ZFR: variants seen among roughly 807,000 people sequenced by gnomAD.
The protein encoded by ZFR is zinc finger RNA binding protein, also known as zinc finger RNA-binding protein.
A neutral mutation model predicts 130.7 loss-of-function variants in ZFR; 19 were observed. The observed-to-expected ratio is 0.15, with a 90% CI of 0.10 to 0.21. ZFR has a LOEUF of 0.21. Among genes scored for constraint, ZFR ranks in the 10% least tolerant of loss-of-function variants. ZFR has a pLI of 1.00. For missense variants in ZFR, 872 were observed against 1,321.5 expected (o/e 0.66, Z 5.27); for synonymous variants, 466 against 456.9 (o/e 1.02, Z -0.25).
intron 11 of ZFR, chr5:32,394,395 C>T (rs1190752232): frequency 5.9e-6 from 1 of 169,180 alleles, no homozygotes; most frequent in Non-Finnish European, 1.5e-5. Flanking sequence ...CAAAAATAAT[C>T]GCGGTTTATA....
Position 32,403,204 on chromosome 5 carries a change from C to A in ZFR, c.1418G>T (p.Gly473Val), listed in dbSNP as rs747920196. The A allele has an allele frequency of 6.2e-7, 1 of 1,614,190 alleles. No individual in the cohort carries two copies. The highest frequency in any genetic ancestry group is 8.5e-7 in the Non-Finnish European group (1 of 1,180,030). ...TSSMKGLTTT[G>V]NSSLNSTSNT... is the part of the protein sequence containing the mutation. The stretch of plus-strand genomic sequence containing the variant: ...AGATGTGCTATTAAGAGACGAGTTT[C>A]CTGTAGTCGTAAGACCCTTCATTGA... Residue 473 changes from glycine (G) to valine (V), a missense_variant, in exon 8 of 20, where the codon GGA becomes GTA. Coordinates refer to ENST00000265069, the MANE Select transcript of ZFR (RefSeq NM_016107.5).
At position 32,354,991 on chromosome 5, in the gene ZFR, T is replaced by G. The variant is rs1752274898; in HGVS notation, c.*769A>C. The G allele has an allele frequency of 6.6e-6, 1 of 152,198 alleles. No individual in the cohort carries two copies. The highest frequency in any genetic ancestry group is 2.1e-4 in the South Asian group (1 of 4,830). The allele number at this position is 152,198 out of a possible 1,614,324, so 9.4% of individuals were successfully genotyped here. On this transcript the variant is annotated 3_prime_UTR_variant, in exon 20 of 20. Coordinates refer to ENST00000265069, the MANE Select transcript of ZFR (RefSeq NM_016107.5). ...CTAAAATTATGATTTTAAAAGTCTA[T>G]TAAAAACAAGAATGTCATGCATTTT...
intron 19 of ZFR, among the ~76,000 whole-genome samples, chr5:32,359,900 C>A (rs1378974901): frequency 6.7e-6 from 1 of 150,312 alleles, no homozygotes; most frequent in Non-Finnish European, 1.5e-5. Flanking sequence ...GCTGAGATTG[C>A]GCCTTTGCAC....
intron 2 of ZFR, among the ~76,000 whole-genome samples, chr5:32,429,821 C>T (rs919992068): frequency 3.3e-5 from 5 of 151,950 alleles, no homozygotes; most frequent in African/African-American, 1.2e-4. Context: ...GTAATCCTGG[C>T]ATTTTGGGAG....
intron 2 of ZFR, among the ~76,000 whole-genome samples, chr5:32,443,562 T>C (rs1754519893): frequency 6.6e-6 from 1 of 152,258 alleles, no homozygotes; most frequent in African/African-American, 2.4e-5. Context: ...AATTTACAGG[T>C]GGTTGGTATG....
intron 17 of ZFR, among the ~76,000 whole-genome samples, chr5:32,369,371 C>T (rs749895344): frequency 2.6e-5 from 4 of 152,080 alleles, no homozygotes; most frequent in Non-Finnish European, 5.9e-5. Flanking sequence ...CAGTAAAATA[C>T]GTGAAAAGAA....
chr5:32,385,447 A>G (rs938149586), intron 15 of ZFR, 61 bp downstream of exon 15: 1 of 1,583,554 alleles, frequency 6.3e-7, no homozygotes, highest in African/African-American at 1.4e-5. Flanking sequence ...ATGCCATCTT[A>G]AAGAGTAGAT....
At position 32,414,951 on chromosome 5, in the gene ZFR, A is replaced by T; in HGVS notation, c.784+18T>A. On this transcript the variant is annotated intron_variant, in intron 5 of 19. Coordinates refer to ENST00000265069, the MANE Select transcript of ZFR (RefSeq NM_016107.5). ...TCCTAATTTGTTTACTCATTTAAAC[A>T]CAGTTTATCAGTCTTACCAGAATAT... 1 of 1,597,030 alleles carries T rather than the reference A, an allele frequency of 6.3e-7. No individual in the cohort carries two copies. The highest frequency in any genetic ancestry group is 2.2e-5 in the East Asian group (1 of 44,530).
At chr5:32,425,014 C>T (rs1754043247) in intron 2 of ZFR, among the ~76,000 whole-genome samples, 1 of 152,054 alleles carries the variant, frequency 6.6e-6, no homozygotes, top group Non-Finnish European at 1.5e-5. Flanking sequence ...AGTATACTCT[C>T]TAAATTAACA....
chr5:32,385,108 T>C (rs976326492), intron 15 of ZFR, among the ~76,000 whole-genome samples: 9 of 152,126 alleles, frequency 5.9e-5, no homozygotes, highest in Admixed American at 5.9e-4. Flanking sequence ...AAAACTCTTG[T>C]CTTTTTTGTA....
At chr5:32,380,344 C>T (rs915556575) in intron 15 of ZFR, 172 bp from the exon 16 acceptor site, 13 of 477,696 alleles carry the variant, frequency 2.7e-5, no homozygotes, top group African/African-American at 2.3e-4. Flanking sequence ...ATATGAGGAA[C>T]AAAAGGTTAA....
At chr5:32,365,585 G>A (rs1169322467) in intron 17 of ZFR, among the ~76,000 whole-genome samples, 1 of 151,650 alleles carries the variant, frequency 6.6e-6, no homozygotes, top group Non-Finnish European at 1.5e-5. Flanking sequence ...TTGAGAAAGG[G>A]TCTTGTTCTG....
intron 6 of ZFR, among the ~76,000 whole-genome samples, chr5:32,406,218 T>C (rs1753577309): frequency 6.6e-6 from 1 of 152,184 alleles, no homozygotes; most frequent in Non-Finnish European, 1.5e-5. Flanking sequence ...TACATTTACA[T>C]GCCTCACTAA....
chr5:32,383,907 T>C (rs1265602373), intron 15 of ZFR: 6 of 421,332 alleles, frequency 1.4e-5, no homozygotes, highest in African/African-American at 1.0e-4. Flanking sequence ...GCAAAATCTT[T>C]CCATTTTGGA....
chr5:32,387,442 G>C, intron 14 of ZFR, 107 bp downstream of exon 14: 1 of 1,349,160 alleles, frequency 7.4e-7, no homozygotes, highest in Non-Finnish European at 1.0e-6. Context: ...AGAAAGTCAA[G>C]CCAAAATTTT....
chr5:32,371,863 GAA>G (rs758339856), intron 17 of ZFR, among the ~76,000 whole-genome samples: 1 of 141,130 alleles, frequency 7.1e-6, no homozygotes, highest in African/African-American at 2.6e-5. Flanking sequence ...TAGAGGTAGG[GAA>G]AAAAAAAAAA....
rs1046596062 is a variant in ZFR at position 32,379,909 on chromosome 5, T to A, written c.2739+166A>T. The A allele has an allele frequency of 1.7e-4, 92 of 534,568 alleles. No homozygotes were observed. The South Asian group carries it at 2.9e-3, about 17-fold the overall frequency. The allele number at this position is 534,568 out of a possible 1,614,324, so 33.1% of individuals were successfully genotyped here. Reference sequence around the variant, plus strand: ...TGTCAAATTAATAATAACTGCAATATGCAGATCATCATACCCAGCTTTCTA... The same window carrying A: ...TGTCAAATTAATAATAACTGCAATAAGCAGATCATCATACCCAGCTTTCTA... On this transcript the variant is annotated intron_variant, in intron 16 of 19. Coordinates refer to ENST00000265069, the MANE Select transcript of ZFR (RefSeq NM_016107.5).
chr5:32,354,511 G>A lies in ZFR; in HGVS notation c.*1249C>T, dbSNP rs529750378. 1 of 152,702 alleles carries A rather than the reference G, an allele frequency of 6.5e-6. No homozygotes were observed. The highest frequency in any genetic ancestry group is 1.9e-4 in the East Asian group (1 of 5,192). 9.5% of individuals were successfully genotyped at this position (152,702 alleles called of 1,614,324 possible). On this transcript the variant is annotated 3_prime_UTR_variant, in exon 20 of 20. Coordinates refer to ENST00000265069, the MANE Select transcript of ZFR (RefSeq NM_016107.5). ...AACAAAATGACATCTGTGTACCAGAGCATACATATATCAACAGTAAGATGT... is the reference window on the plus strand; with the variant it reads ...AACAAAATGACATCTGTGTACCAGAACATACATATATCAACAGTAAGATGT...
At position 32,437,802 on chromosome 5, in the gene ZFR, T is replaced by G. The variant is rs545267234; in HGVS notation, c.137+6427A>C. 2.0e-5 allele frequency among the ~76,000 whole-genome samples: 3 copies of G among 152,292 alleles called. No individual in the cohort carries two copies. The South Asian group carries it at 6.2e-4, about 32-fold the overall frequency. On this transcript the variant is annotated intron_variant, in intron 2 of 19. Transcript: ENST00000265069. Reference sequence around the variant, plus strand: ...CATGTCTATCTCTGGGATCTCTATTTTAACTCAATAATCTGTCTATCCCTG... The same window carrying G: ...CATGTCTATCTCTGGGATCTCTATTGTAACTCAATAATCTGTCTATCCCTG...
Sources: gnomAD v4.1 joint callset for allele counts (sites outside exome capture counted in the v4.1 genomes callset) on GRCh38, gnomAD v4.1.1 for gene constraint, MANE v1.5 for transcripts, NCBI Gene and HGNC (gene_info 2026-07-23, HGNC 2026-07-21) for gene names.